Variants in TMEM72 observed in about 807,000 individuals in gnomAD.
TMEM72 encodes kidney-specific secretory protein of 37 kDa.
A neutral mutation model predicts 16.3 loss-of-function variants in TMEM72; 9 were observed. That is an observed-to-expected ratio of 0.55 (90% CI 0.33 to 0.96). The LOEUF is 0.96. Ranked by LOEUF, TMEM72 falls within the 40% of genes least tolerant of loss-of-function variation. TMEM72 has a pLI of 0.03. For synonymous variants in TMEM72, 160 were observed against 146.5 expected (o/e 1.09, Z -0.66); for missense variants, 324 against 337.8 (o/e 0.96, Z 0.32).
chr10:44,915,005 G>A (rs752200042), intron 1 of TMEM72, among the ~76,000 whole-genome samples: 18 of 152,220 alleles, frequency 1.2e-4, no homozygotes, highest in South Asian at 2.1e-4. Context: ...CTCTCAGGCC[G>A]TCCAGGCTGG....
intron 4 of TMEM72, among the ~76,000 whole-genome samples, 159 bp from the exon 5 acceptor site, chr10:44,934,497 G>A (rs1395624137): frequency 6.6e-6 from 1 of 152,220 alleles, no homozygotes; most frequent in African/African-American, 2.4e-5. Flanking sequence ...ATCTGATGTG[G>A]GGTGTGAGGA....
chr10:44,925,973 AC>A (rs1294655438), intron 1 of TMEM72, among the ~76,000 whole-genome samples: 5 of 151,996 alleles, frequency 3.3e-5, no homozygotes, highest in African/African-American at 1.2e-4. Context: ...ACATATATGC[AC>A]ATATATACTC....
rs1255728534 is a variant in TMEM72, at chr10:44,911,497, C to G, written c.-16C>G. On this transcript the variant is annotated 5_prime_UTR_variant, in exon 1 of 5. Coordinates refer to ENST00000389583, the MANE Select transcript of TMEM72 (RefSeq NM_001123376.3). ...GCTGCCTGCCCTGCCAGGACTTTGT[C>G]CTCACCCCTGGCACCATGCAGCTCC... The G allele has an allele frequency of 1.3e-6, 2 of 1,550,090 alleles. No individual in the cohort carries two copies. The highest frequency in any genetic ancestry group is 3.9e-5 in the Admixed American group (2 of 50,992).
intron 2 of TMEM72, among the ~76,000 whole-genome samples, chr10:44,928,512 A>T (rs1840238436): frequency 1.3e-5 from 2 of 151,766 alleles, no homozygotes; most frequent in Admixed American, 6.6e-5. Flanking sequence ...GCATACATAC[A>T]TACACACACC....
chr10:44,912,352 C>T (rs552530791), intron 1 of TMEM72, among the ~76,000 whole-genome samples: 1 of 152,196 alleles, frequency 6.6e-6, no homozygotes, highest in African/African-American at 2.4e-5. Context: ...TAGCCCCATT[C>T]CCCCTACAGA....
intron 1 of TMEM72, among the ~76,000 whole-genome samples, chr10:44,924,463 G>A (rs1840152505): frequency 6.6e-6 from 1 of 152,322 alleles, no homozygotes; most frequent in Middle Eastern, 3.4e-3. Flanking sequence ...CATGAGCCCA[G>A]TGCCTGGCCC....
At chr10:44,927,796 G>A (rs1484981379) in intron 1 of TMEM72, 125 bp from the exon 2 acceptor site, 1 of 903,028 alleles carries the variant, frequency 1.1e-6, no homozygotes, top group African/African-American at 2.2e-5. Flanking sequence ...ATCATGAAGA[G>A]AAGAACCTAC....
At chr10:44,915,868 A>C (rs888013640) in intron 1 of TMEM72, among the ~76,000 whole-genome samples, 1 of 152,028 alleles carries the variant, frequency 6.6e-6, no homozygotes, top group Non-Finnish European at 1.5e-5. Context: ...CCTGGAACCC[A>C]TCTGGGGACA....
chr10:44,923,310 TC>T (rs1259425149), intron 1 of TMEM72: 4 of 89,868 alleles, frequency 4.5e-5, no homozygotes, highest in Admixed American at 1.2e-4. Context: ...TCTCTCTCTC[TC>T]TTTTTCTCTC....
At position 44,934,723 on chromosome 10, in the gene TMEM72, C is replaced by A; in HGVS notation, c.417C>A (p.Ala139=). The part of the protein sequence containing the change: ...LLSKRKKRKA[A]PEVLASPEQY... ...GCAAGCGGAAGAAGAGGAAAGCTGC[C>A]CCCGAGGTGCTGGCCTCCCCAGAGC... Residue 139 remains alanine, a synonymous_variant, in exon 5 of 5, where the codon GCC becomes GCA. Transcript: ENST00000389583. 1 of 1,611,640 alleles carries A rather than the reference C, an allele frequency of 6.2e-7. No individual in the cohort carries two copies. The highest frequency in any genetic ancestry group is 1.1e-5 in the South Asian group (1 of 90,690).
chr10:44,919,419 C>T (rs966188809), intron 1 of TMEM72, among the ~76,000 whole-genome samples: 1 of 152,174 alleles, frequency 6.6e-6, no homozygotes, highest in Non-Finnish European at 1.5e-5. Flanking sequence ...GCTACTTGAG[C>T]TAATGGAGGG....
intron 1 of TMEM72, 125 bp downstream of exon 1, chr10:44,911,707 C>T (rs1839940660): frequency 9.2e-7 from 1 of 1,086,596 alleles, no homozygotes; most frequent in Non-Finnish European, 1.3e-6. Context: ...CAATTTTTTT[C>T]CCAAGACCCC....
rs1840346376 is a variant in TMEM72 at position 44,933,794 on chromosome 10, G to A, written c.349+18G>A. On this transcript the variant is annotated intron_variant, in intron 4 of 4. Transcript: ENST00000389583. Reference sequence around the variant, plus strand: ...CATCCCAGGTAAGAGCACAGGGGTAGAGATATGCAGCCCCAGCACAGGTGG... The same window carrying A: ...CATCCCAGGTAAGAGCACAGGGGTAAAGATATGCAGCCCCAGCACAGGTGG... 2 of 1,602,656 alleles carry A rather than the reference G, an allele frequency of 1.2e-6. No individual in the cohort carries two copies. The highest frequency in any genetic ancestry group is 8.5e-7 in the Non-Finnish European group (1 of 1,171,920).
At chr10:44,917,868 C>A (rs1840035079) in intron 1 of TMEM72, among the ~76,000 whole-genome samples, 1 of 152,162 alleles carries the variant, frequency 6.6e-6, no homozygotes, top group Admixed American at 6.5e-5. Flanking sequence ...TCGGTTCTCC[C>A]TGACATTGAG....
At chr10:44,931,930 G>A in intron 2 of TMEM72, 68 bp from the exon 3 acceptor site, 1 of 1,514,040 alleles carries the variant, frequency 6.6e-7, no homozygotes, top group South Asian at 1.2e-5. Context: ...CCACGTGTGA[G>A]AAGACAGCCC....
chr10:44,911,527 GT>G lies in TMEM72; in HGVS notation c.17del (p.Phe6SerfsTer20). 1 of 1,551,224 alleles carries G rather than the reference GT, an allele frequency of 6.4e-7. No homozygotes were observed. Among genetic ancestry groups the G allele is most frequent in the South Asian group, 1.2e-5 (1 of 84,104 alleles). ...CCCCTGGCACCATGCAGCTCCAGGT[GT>G]TCTGGACTGGGCTGGAATACACCTG... is the stretch of plus-strand genomic sequence containing the variant. MQLQV[F>X]WTGLEYTCRL... On this transcript the variant is annotated frameshift_variant, in exon 1 of 5. Coordinates refer to ENST00000389583, the MANE Select transcript of TMEM72 (RefSeq NM_001123376.3). LOFTEE classifies it high-confidence loss of function.
At chr10:44,933,427 C>T (rs1270237485) in intron 3 of TMEM72, among the ~76,000 whole-genome samples, 1 of 152,262 alleles carries the variant, frequency 6.6e-6, no homozygotes, top group African/African-American at 2.4e-5. Flanking sequence ...CAGGTCTGGG[C>T]AGCCTTTCAA....
intron 2 of TMEM72, among the ~76,000 whole-genome samples, chr10:44,930,757 C>T (rs1181256986): frequency 6.6e-6 from 1 of 152,162 alleles, no homozygotes; most frequent in East Asian, 1.9e-4. Flanking sequence ...CACTGTGTGC[C>T]AAGCATGGTC....
chr10:44,935,368 T>C lies in TMEM72; in HGVS notation c.*234T>C. The stretch of plus-strand genomic sequence containing the variant: ...CAAGCCAGCACAAGCTCCTTCCTCC[T>C]GGCCACAGGTGGGGAAACCCTTATG... On this transcript the variant is annotated 3_prime_UTR_variant, in exon 5 of 5. Coordinates refer to ENST00000389583, the MANE Select transcript of TMEM72 (RefSeq NM_001123376.3). The C allele has an allele frequency of 2.1e-6, 1 of 466,558 alleles. No homozygotes were observed. Among genetic ancestry groups the C allele is most frequent in the South Asian group, 4.6e-5 (1 of 21,670 alleles). 28.9% of individuals were successfully genotyped at this position (466,558 alleles called of 1,614,324 possible).
Sources: gnomAD v4.1 joint callset for allele counts (sites outside exome capture counted in the v4.1 genomes callset) on GRCh38, gnomAD v4.1.1 for gene constraint, MANE v1.5 for transcripts, NCBI Gene and HGNC (gene_info 2026-07-23, HGNC 2026-07-21) for gene names.